The following KCTD16 variants were observed in gnomAD, a reference collection of about 807,000 sequenced individuals.
KCTD16 encodes BTB/POZ domain-containing protein KCTD16.
In KCTD16, 13 loss-of-function variants were observed where a neutral mutation model predicts 33.2. The ratio of observed to expected loss-of-function variants is 0.39; its 90% CI spans 0.25 to 0.62. The LOEUF (loss-of-function observed/expected upper bound fraction) is 0.62. KCTD16 is among the 20% of genes least tolerant of loss of function. KCTD16 has a pLI of 0.50. For synonymous variants in KCTD16, 197 were observed against 195.3 expected, an observed-to-expected ratio of 1.01 and a Z score of -0.07; for missense variants, 441 against 525.1, an observed-to-expected ratio of 0.84 and a Z score of 1.57.
chr5:144,278,743 C>A (rs1161040543), intron 3 of KCTD16, among the ~76,000 whole-genome samples: 1 of 151,774 alleles, frequency 6.6e-6, no homozygotes, highest in Non-Finnish European at 1.5e-5. Flanking sequence ...ATGATCCACC[C>A]GCCTCGGCCT....
At chr5:144,234,719 A>G (rs1443217916) in intron 3 of KCTD16, among the ~76,000 whole-genome samples, 1 of 152,130 alleles carries the variant, frequency 6.6e-6, no homozygotes, top group Non-Finnish European at 1.5e-5. Flanking sequence ...ATCTATGGGA[A>G]AACACTTGGT....
At chr5:144,307,643 A>G (rs1353035794) in intron 3 of KCTD16, among the ~76,000 whole-genome samples, 4 of 152,256 alleles carry the variant, frequency 2.6e-5, no homozygotes, top group Non-Finnish European at 4.4e-5. Flanking sequence ...CTCTGACTTT[A>G]AAGTCCATGC....
chr5:144,366,706 A>G (rs1404775216), intron 3 of KCTD16, among the ~76,000 whole-genome samples: 11 of 152,188 alleles, frequency 7.2e-5, no homozygotes, highest in African/African-American at 2.7e-4. Context: ...TCCTAGTCAC[A>G]AATGACCAAG....
In KCTD16 at chr5:144,203,976, A is replaced by G. The variant is rs6863469; in HGVS notation, c.-326-2413A>G. Among the ~76,000 whole-genome samples, 789 of 152,362 alleles carry G rather than the reference A, an allele frequency of 5.2e-3. 6 individuals are homozygous for G. Among genetic ancestry groups the G allele is most frequent in the African/African-American group, 0.013 (555 of 41,584 alleles). ...ACATAACAAACATCTTGCTTGGTCC[A>G]GCATTAAAATCCTAATGATTGAGGC... On this transcript the variant is annotated intron_variant, in intron 2 of 3. Coordinates refer to ENST00000512467, the MANE Select transcript of KCTD16 (RefSeq NM_020768.4).
chr5:144,315,636 C>T (rs1043048630), intron 3 of KCTD16, among the ~76,000 whole-genome samples: 4 of 151,962 alleles, frequency 2.6e-5, no homozygotes, highest in Non-Finnish European at 4.4e-5. Flanking sequence ...TTCTGTGTGA[C>T]GGGTACTATT....
At chr5:144,417,849 T>C (rs546644305) in intron 3 of KCTD16, among the ~76,000 whole-genome samples, 5 of 152,278 alleles carry the variant, frequency 3.3e-5, no homozygotes, top group African/African-American at 1.2e-4. Flanking sequence ...TTGTTGAAGA[T>C]GTGTCTGGAA....
chr5:144,461,635 C>T (rs1561616551), intron 3 of KCTD16, among the ~76,000 whole-genome samples: 1 of 152,186 alleles, frequency 6.6e-6, no homozygotes, highest in East Asian at 1.9e-4. Flanking sequence ...TTTCTAGACA[C>T]AGTAATGATC....
At chr5:144,402,798 T>C (rs1752731734) in intron 3 of KCTD16, among the ~76,000 whole-genome samples, 1 of 152,186 alleles carries the variant, frequency 6.6e-6, no homozygotes, top group African/African-American at 2.4e-5. Context: ...GTTTTTAAAA[T>C]TACCTAGTGC....
chr5:144,271,240 G>T (rs571306883), intron 3 of KCTD16, among the ~76,000 whole-genome samples: 2 of 151,952 alleles, frequency 1.3e-5, no homozygotes, highest in South Asian at 4.1e-4. Flanking sequence ...TATCCTTTAT[G>T]AAAATTGATG....
chr5:144,312,198 T>G (rs1466158904), intron 3 of KCTD16, among the ~76,000 whole-genome samples: 1 of 152,176 alleles, frequency 6.6e-6, no homozygotes, highest in Non-Finnish European at 1.5e-5. Flanking sequence ...GGTGGCCCTC[T>G]TGACATGGGT....
intron 3 of KCTD16, among the ~76,000 whole-genome samples, chr5:144,417,926 A>T (rs1753108581): frequency 6.6e-6 from 1 of 152,124 alleles, no homozygotes; most frequent in African/African-American, 2.4e-5. Flanking sequence ...CCTCACAGTG[A>T]GTGTTACAGT....
chr5:144,266,607 C>T (rs1280256285), intron 3 of KCTD16, among the ~76,000 whole-genome samples: 1 of 152,160 alleles, frequency 6.6e-6, no homozygotes, highest in Non-Finnish European at 1.5e-5. Flanking sequence ...AAGGCTTTGA[C>T]CAAATACCCT....
chr5:144,205,785 T>G, intron 2 of KCTD16: 1 of 389,820 alleles, frequency 2.6e-6, no homozygotes, highest in Non-Finnish European at 4.5e-6. Flanking sequence ...TTGCGACTTG[T>G]TTTAACTTAA....
intron 3 of KCTD16, among the ~76,000 whole-genome samples, chr5:144,256,132 G>A (rs1285338619): frequency 2.6e-5 from 4 of 152,144 alleles, no homozygotes; most frequent in African/African-American, 9.7e-5. Context: ...TTGAATACAG[G>A]CACTTTGGAT....
chr5:144,283,142 G>A (rs912422095), intron 3 of KCTD16, among the ~76,000 whole-genome samples: 1 of 152,064 alleles, frequency 6.6e-6, no homozygotes, highest in Non-Finnish European at 1.5e-5. Flanking sequence ...TTGGTGTGCT[G>A]CATCCATTAA....
chr5:144,459,957 G>A lies in KCTD16; in HGVS notation c.833-13703G>A, dbSNP rs967750201. ...CTCCATTCTCCTGCCTCAGTCTCCCGAGTTAACTGGGACTACAGGCATCTG... is the reference window on the plus strand; with the variant it reads ...CTCCATTCTCCTGCCTCAGTCTCCCAAGTTAACTGGGACTACAGGCATCTG... On this transcript the variant is annotated intron_variant, in intron 3 of 3. Transcript: ENST00000512467. Among the ~76,000 whole-genome samples, 9 of 117,540 alleles carry A rather than the reference G, an allele frequency of 7.7e-5. No homozygotes were observed. The East Asian group carries it at 2.0e-3, about 25-fold the overall frequency. 77.1% of individuals were successfully genotyped at this position (117,540 alleles called of 152,430 possible). A position where few individuals can be genotyped will look rare whatever the true frequency, so the allele number is the denominator to read the frequency against.
At chr5:144,290,910 A>G (rs1037456279) in intron 3 of KCTD16, among the ~76,000 whole-genome samples, 1 of 152,244 alleles carries the variant, frequency 6.6e-6, no homozygotes, top group African/African-American at 2.4e-5. Flanking sequence ...TAAGGATTTT[A>G]AAGATAATTT....
intron 3 of KCTD16, among the ~76,000 whole-genome samples, chr5:144,233,667 G>A (rs978339667): frequency 1.3e-5 from 2 of 152,094 alleles, no homozygotes; most frequent in African/African-American, 4.8e-5. Flanking sequence ...ACTTTAAATG[G>A]AATCCATTGT....
intron 3 of KCTD16, among the ~76,000 whole-genome samples, chr5:144,317,085 C>T (rs996443820): frequency 5.3e-5 from 8 of 152,026 alleles, no homozygotes; most frequent in Non-Finnish European, 1.0e-4. Context: ...CTCAGCCTCC[C>T]AAAGTGCTGG....
Sources: gnomAD v4.1 joint callset for allele counts (sites outside exome capture counted in the v4.1 genomes callset) on GRCh38, gnomAD v4.1.1 for gene constraint, MANE v1.5 for transcripts, NCBI Gene and HGNC (gene_info 2026-07-23, HGNC 2026-07-21) for gene names.